The following ACSM6 variants were observed in gnomAD, a reference collection of about 807,000 sequenced individuals.
ACSM6 encodes the protein acyl-coenzyme A synthetase ACSM6, mitochondrial.
A neutral mutation model predicts 51.1 loss-of-function variants in ACSM6; 35 were observed. That is an observed-to-expected ratio of 0.69 (90% CI 0.52 to 0.91). The LOEUF (loss-of-function observed/expected upper bound fraction) is 0.91, where lower values mean the gene tolerates loss of function less well. Among genes scored for constraint, ACSM6 ranks in the 40% least tolerant of loss-of-function variants. The pLI is 0.00. For synonymous variants in ACSM6, 172 were observed against 207.3 expected (o/e 0.83, Z 1.46); for missense variants, 509 against 584.1 (o/e 0.87, Z 1.32).
chr10:95,207,203 T>C lies in ACSM6; in HGVS notation c.404-5T>C, dbSNP rs1333693671. 1 of 1,614,056 alleles carries C rather than the reference T, an allele frequency of 6.2e-7. No homozygotes were observed. Among genetic ancestry groups the C allele is most frequent in the Admixed American group, 1.7e-5 (1 of 60,020 alleles). On this transcript the variant is annotated splice_region_variant and splice_polypyrimidine_tract_variant and intron_variant, in intron 3 of 10. Coordinates refer to ENST00000341686, the Ensembl canonical transcript of ACSM6. ...AATGAAGCCTTCTTTTGTGGTTTTT[T>C]TCAGGAATCACCTTTGTGCCTGGGA...
At chr10:95,198,145 T>G (rs1047606996) in intron 2 of ACSM6, among the ~76,000 whole-genome samples, 4 of 152,162 alleles carry the variant, frequency 2.6e-5, no homozygotes. Flanking sequence ...TACAGGTCTT[T>G]TCCAAAATGG....
intron 2 of ACSM6, among the ~76,000 whole-genome samples, chr10:95,197,237 C>A (rs553294419): frequency 1.3e-5 from 2 of 152,106 alleles, no homozygotes; most frequent in Non-Finnish European, 2.9e-5. Flanking sequence ...TATTTCTAGT[C>A]GGGTGGGACG....
Position 95,196,632 on chromosome 10 carries a change from T to TAA in ACSM6, c.192+1956_192+1957dup, listed in dbSNP as rs1564585142. ...CACAAAAGTGGAGTCATTCTATATA[T>TAA]AACTATTTGTAACCTGGAATCACAC... On this transcript the variant is annotated intron_variant, in intron 2 of 10. Transcript: ENST00000341686. Among the ~76,000 whole-genome samples the TAA allele has an allele frequency of 3.9e-5, 6 of 152,118 alleles. No homozygotes were observed. The South Asian group carries it at 1.3e-3, about 32-fold the overall frequency.
chr10:95,207,765 C>CA (rs2034855407), intron 4 of ACSM6, among the ~76,000 whole-genome samples: 1 of 141,176 alleles, frequency 7.1e-6, no homozygotes, highest in Admixed American at 6.9e-5. Context: ...AAAAACATAA[C>CA]AAAAAACTTA....
intron 8 of ACSM6, among the ~76,000 whole-genome samples, chr10:95,217,238 C>T (rs888920135): frequency 6.6e-6 from 1 of 151,852 alleles, no homozygotes; most frequent in African/African-American, 2.4e-5. Context: ...GTCCCAGCTA[C>T]TCGGGAGGCT....
intron 10 of ACSM6, 54 bp downstream of exon 10, chr10:95,225,445 T>G: frequency 8.2e-7 from 1 of 1,213,110 alleles, no homozygotes; most frequent in Non-Finnish European, 1.2e-6. Flanking sequence ...CTAATCGTAG[T>G]GCCATTATTG....
At chr10:95,199,027 A>AAG (rs34659688) in intron 2 of ACSM6, among the ~76,000 whole-genome samples, 79,671 of 151,506 alleles carry the variant, frequency 0.53, 21,859 homozygotes, top group Middle Eastern at 0.66. Context: ...GGAACCAAAA[A>AAG]AGCCTGCATT....
chr10:95,222,377 C>G (rs566811978), intron 9 of ACSM6, among the ~76,000 whole-genome samples: 1 of 152,130 alleles, frequency 6.6e-6, no homozygotes, highest in Non-Finnish European at 1.5e-5. Context: ...AATCCCAGCA[C>G]TTTGGGAGGC....
chr10:95,221,331 A>T (rs2034993120), intron 9 of ACSM6, among the ~76,000 whole-genome samples: 1 of 152,214 alleles, frequency 6.6e-6, no homozygotes, highest in Non-Finnish European at 1.5e-5. Context: ...GCATGCCTGA[A>T]ATCCCAGCAC....
At chr10:95,217,386 T>C (rs2034957454) in intron 8 of ACSM6, among the ~76,000 whole-genome samples, 2 of 151,396 alleles carry the variant, frequency 1.3e-5, no homozygotes, top group African/African-American at 2.4e-5. Flanking sequence ...TAGGGAAGTG[T>C]TGCCTGGATT....
intron 3 of ACSM6, among the ~76,000 whole-genome samples, chr10:95,203,427 G>A (rs994422565): frequency 6.6e-6 from 1 of 152,118 alleles, no homozygotes; most frequent in Non-Finnish European, 1.5e-5. Context: ...TCTTGCCTCA[G>A]TCTGTGGAAA....
intron 2 of ACSM6, among the ~76,000 whole-genome samples, chr10:95,197,266 T>G (rs141486261): frequency 0.02 from 3,096 of 152,254 alleles, 95 homozygotes; most frequent in African/African-American, 0.068. Context: ...AGAAAAGAAT[T>G]AAGACACAGA....
intron 9 of ACSM6, among the ~76,000 whole-genome samples, chr10:95,220,345 G>A (rs998849493): frequency 6.6e-6 from 1 of 152,168 alleles, no homozygotes; most frequent in African/African-American, 2.4e-5. Context: ...ACTAAAGTGG[G>A]AAGTCTAAGC....
chr10:95,214,056 A>G (rs748171929), intron 7 of ACSM6, among the ~76,000 whole-genome samples: 11 of 152,212 alleles, frequency 7.2e-5, no homozygotes, highest in South Asian at 2.1e-4. Flanking sequence ...TAAAATAGTC[A>G]TCTCTCGCTT....
rs1252623821 is a variant in ACSM6 at position 95,207,381 on chromosome 10, T to G, written c.577T>G (p.Tyr193Asp). Residue 193 changes from tyrosine (Y) to aspartate (D), a missense_variant, in exon 4 of 11, where the codon TAT (tyrosine) becomes GAT (aspartate). Transcript: ENST00000341686. The stretch of plus-strand genomic sequence containing the variant: ...CAAGCTCCTGGTGTCAGATAAGAGC[T>G]ATGATGGGTGGTTGGATTTCAAGAA... 2.5e-6 allele frequency: 4 copies of G among 1,614,152 alleles called. No homozygotes were observed. The South Asian group carries it at 4.4e-5, about 18-fold the overall frequency.
intron 8 of ACSM6, among the ~76,000 whole-genome samples, chr10:95,217,723 T>C (rs1234898835): frequency 6.6e-6 from 1 of 152,170 alleles, no homozygotes; most frequent in Admixed American, 6.5e-5. Flanking sequence ...AACAGCCAAA[T>C]TGATAGCCTA....
exon 3 of ACSM6, chr10:95,202,112 C>T: frequency 6.4e-7 from 1 of 1,552,284 alleles, no homozygotes; most frequent in Non-Finnish European, 8.7e-7. Flanking sequence ...GACACCTGTG[C>T]CCTTAGCCAT....
At chr10:95,214,939 G>A (rs2034929768) in exon 8 of ACSM6, 2 of 1,551,544 alleles carry the variant, frequency 1.3e-6, no homozygotes, top group Admixed American at 2.0e-5. Flanking sequence ...GCATCACTAA[G>A]TTGGACATCT....
At chr10:95,214,669 T>C (rs752658023) in intron 7 of ACSM6, among the ~76,000 whole-genome samples, 183 bp from the exon 8 acceptor site, 5 of 152,216 alleles carry the variant, frequency 3.3e-5, no homozygotes, top group African/African-American at 1.2e-4. Flanking sequence ...TTCATGGAGA[T>C]TGATCTAACT....
Sources: gnomAD v4.1 joint callset for allele counts (sites outside exome capture counted in the v4.1 genomes callset) on GRCh38, gnomAD v4.1.1 for gene constraint, MANE v1.5 for transcripts, NCBI Gene and HGNC (gene_info 2026-07-23, HGNC 2026-07-21) for gene names.